Variants in C12orf76 observed in about 807,000 individuals in gnomAD.
C12orf76 encodes the protein chromosome 12 open reading frame 76.
In C12orf76, 6 loss-of-function variants were observed where a neutral mutation model predicts 6.8. That is an observed-to-expected ratio of 0.88 (90% confidence interval 0.48 to 1.73). The LOEUF (loss-of-function observed/expected upper bound fraction) is 1.73. Among genes scored for constraint, C12orf76 ranks in the 40% most tolerant of loss-of-function variants. The pLI is 0.01. For synonymous variants in C12orf76, 56 were observed against 43.7 expected, an observed-to-expected ratio of 1.28 and a Z score of -1.11; for missense variants, 99 against 98.2, an observed-to-expected ratio of 1.01 and a Z score of -0.03.
chr12:110,048,377 C>G lies in C12orf76; in HGVS notation c.119G>C (p.Arg40Pro), dbSNP rs1192924926. The G allele has an allele frequency of 6.6e-7, 1 of 1,515,418 alleles. No individual in the cohort carries two copies. The highest frequency in any genetic ancestry group is 1.2e-5 in the South Asian group (1 of 82,740). The allele number at this position is 1,515,418 out of a possible 1,614,324, so 93.9% of individuals were successfully genotyped here. Residue 40 changes from arginine to proline, a missense_variant, in exon 1 of 2, where the codon CGA (arginine) becomes CCA (proline). By Grantham distance (103) the Arg-to-Pro change is moderately radical. Transcript: ENST00000615315. ...GGGCCGCTCACCCAGGTTCTGCCCTCGCAGCACCGCGTACGGCCGGCTCCG... is the reference window on the plus strand; with the variant it reads ...GGGCCGCTCACCCAGGTTCTGCCCTGGCAGCACCGCGTACGGCCGGCTCCG... ...LERSRPYAVLRGQNLVLMGTI... is the reference protein window; with the variant it reads ...LERSRPYAVLPGQNLVLMGTI...
At chr12:110,056,395 T>C (rs1456986377) in intron 4 of C12orf76, among the ~76,000 whole-genome samples, 2 of 152,244 alleles carry the variant, frequency 1.3e-5, no homozygotes, top group Admixed American at 1.3e-4. Flanking sequence ...GCAAAGCTGC[T>C]GGTGCCTGGA....
intron 3 of C12orf76, among the ~76,000 whole-genome samples, chr12:110,057,527 T>C (rs1892689994): frequency 6.6e-6 from 1 of 152,040 alleles, no homozygotes; most frequent in Non-Finnish European, 1.5e-5. Flanking sequence ...CCATCCCTGG[T>C]CCTCTAGGCC....
At chr12:110,067,983 A>T (rs1258135778), upstream of C12orf76, among the ~76,000 whole-genome samples, 2 of 151,970 alleles carry the variant, frequency 1.3e-5, no homozygotes, top group African/African-American at 4.8e-5. Context: ...AGGCTGAGGC[A>T]GGCGGATCAC....
At chr12:110,063,600 ATT>A (rs574342639) in intron 2 of C12orf76, among the ~76,000 whole-genome samples, 1 of 127,404 alleles carries the variant, frequency 7.8e-6, no homozygotes, top group African/African-American at 3.2e-5. Context: ...AGGGATTTTT[ATT>A]TTTATTTATT....
chr12:110,068,467 A>T (rs1427108970), upstream of C12orf76, among the ~76,000 whole-genome samples: 2 of 152,146 alleles, frequency 1.3e-5, no homozygotes, highest in Non-Finnish European at 2.9e-5. Context: ...GATTCAATAA[A>T]TTCCCCTTTG....
upstream of C12orf76, chr12:110,048,624 C>G: frequency 7.7e-7 from 1 of 1,306,860 alleles, no homozygotes; most frequent in Non-Finnish European, 9.7e-7. Flanking sequence ...ACTGTGCGTC[C>G]TGGTCTAAGT....
Position 110,062,788 on chromosome 12 carries a change from A to ATTTTTTT in C12orf76, n.380+3065_380+3071dup, listed in dbSNP as rs71079597. 3.2e-5 allele frequency among the ~76,000 whole-genome samples: 2 copies of ATTTTTTT among 63,360 alleles called. 1 individual carries two copies. Among genetic ancestry groups the ATTTTTTT allele is most frequent in the African/African-American group, 1.5e-4 (2 of 13,390 alleles). 41.6% of individuals were successfully genotyped at this position (63,360 alleles called of 152,430 possible). On this transcript the variant is annotated intron_variant and non_coding_transcript_variant, in intron 2 of 4. Coordinates refer to the C12orf76 transcript ENST00000309050. ...GTGTGCACCACCATGCCCAGCTAAT[A>ATTTTTTT]TTTTTTTTTTTTTTTTTTTTTTTTT...
intron 1 of C12orf76, among the ~76,000 whole-genome samples, chr12:110,046,921 G>A (rs550542817): frequency 2.0e-5 from 3 of 151,934 alleles, no homozygotes; most frequent in South Asian, 2.1e-4. Flanking sequence ...ACTGCCCCTC[G>A]CCCCCTGAAA....
chr12:110,062,801 T>A (rs1489507753), intron 2 of C12orf76, among the ~76,000 whole-genome samples: 4 of 144,384 alleles, frequency 2.8e-5, no homozygotes, highest in Non-Finnish European at 6.1e-5. Context: ...TTTTTTTTTT[T>A]TTTTTTTTTT....
chr12:110,052,449 G>A (rs1892596971), upstream of C12orf76, among the ~76,000 whole-genome samples: 1 of 152,028 alleles, frequency 6.6e-6, no homozygotes, highest in Admixed American at 6.6e-5. Flanking sequence ...CTCCACCTCA[G>A]CCTCCCAAAA....
chr12:110,051,351 T>C, upstream of C12orf76: 1 of 681,318 alleles, frequency 1.5e-6, no homozygotes, highest in South Asian at 1.6e-5. Context: ...GAGGATCAAA[T>C]GATATATGTC....
upstream of C12orf76, among the ~76,000 whole-genome samples, chr12:110,068,892 T>C (rs562160190): frequency 6.6e-6 from 1 of 152,278 alleles, no homozygotes; most frequent in South Asian, 2.1e-4. Context: ...CTACACCCCA[T>C]TGGTATACCC....
chr12:110,067,046 G>A (rs903650492), intron 1 of C12orf76, among the ~76,000 whole-genome samples: 1 of 152,200 alleles, frequency 6.6e-6, no homozygotes, highest in Non-Finnish European at 1.5e-5. Context: ...CTAGTCTGTG[G>A]CCATTGGAAA....
At chr12:110,061,012 T>G (rs1050295962) in intron 2 of C12orf76, among the ~76,000 whole-genome samples, 1 of 148,986 alleles carries the variant, frequency 6.7e-6, no homozygotes, top group African/African-American at 2.5e-5. Flanking sequence ...TCATATCCCT[T>G]AGCTCATTGC....
intron 2 of C12orf76, among the ~76,000 whole-genome samples, chr12:110,060,198 C>A (rs1892746432): frequency 6.6e-6 from 1 of 152,174 alleles, no homozygotes; most frequent in Non-Finnish European, 1.5e-5. Context: ...TACACTCCAG[C>A]CTGTGCAACA....
chr12:110,051,380 GTATCTGGCACA>G, upstream of C12orf76: 1 of 655,516 alleles, frequency 1.5e-6, no homozygotes. Context: ...CCTTTGCCCA[GTATCTGGCACA>G]TACTGAGCAC....
intron 2 of C12orf76, among the ~76,000 whole-genome samples, chr12:110,060,749 T>C (rs1892756837): frequency 6.6e-6 from 1 of 152,076 alleles, no homozygotes; most frequent in Non-Finnish European, 1.5e-5. Flanking sequence ...GAAACCTACA[T>C]CTCAGGCCAG....
intron 2 of C12orf76, among the ~76,000 whole-genome samples, chr12:110,060,715 T>G (rs1171285431): frequency 6.6e-6 from 1 of 152,122 alleles, no homozygotes; most frequent in Non-Finnish European, 1.5e-5. Context: ...TGGTTCTAGT[T>G]CCCATCTATA....
chr12:110,050,665 G>C, upstream of C12orf76: 1 of 319,736 alleles, frequency 3.1e-6, no homozygotes, highest in Non-Finnish European at 5.9e-6. Flanking sequence ...TCTAAAAGGG[G>C]GAGGCATGAA....
Sources: allele counts gnomAD v4.1 joint callset (sites outside exome capture counted in the v4.1 genomes callset), GRCh38; gene constraint gnomAD v4.1.1; transcripts MANE v1.5; gene names NCBI Gene and HGNC (gene_info 2026-07-23, HGNC 2026-07-21).